ZSWIM8: variants seen among roughly 807,000 people sequenced by gnomAD.
ZSWIM8 encodes the protein zinc finger SWIM-type containing 8.
ZSWIM8 carries 27 observed loss-of-function variants against 173.7 expected under a neutral mutation model. That is an observed-to-expected ratio of 0.16 (90% CI 0.11 to 0.21). The LOEUF is 0.21. ZSWIM8 is among the 10% of genes least tolerant of loss of function. The pLI is 1.00. For synonymous variants in ZSWIM8, 958 were observed against 962.0 expected, an observed-to-expected ratio of 1.00 and a Z score of 0.08; for missense variants, 1,627 against 2,428.8, an observed-to-expected ratio of 0.67 and a Z score of 6.94.
chr10:73,792,233 G>T lies in ZSWIM8; in HGVS notation c.1694G>T (p.Arg565Leu). The T allele has an allele frequency of 6.4e-7, 1 of 1,559,572 alleles. No homozygotes were observed. The highest frequency in any genetic ancestry group is 2.3e-5 in the East Asian group (1 of 44,362). Residue 565 changes from arginine (R) to leucine (L), a missense_variant, in exon 10 of 26, where the codon CGC becomes CTC. Arg to Leu is a moderately radical substitution (Grantham distance 102, BLOSUM62 -2). Around this residue, in one of 18 missense-constraint regions of ZSWIM8, gnomAD observed 383 missense variants for 394.8 expected, o/e 0.97. Coordinates refer to ENST00000604729, the MANE Select transcript of ZSWIM8 (RefSeq NM_001367799.1). The surrounding 1 kb of genome is among the most constrained non-coding windows in gnomAD (Gnocchi z 4.3). ...GVPSSQRGPR[R>L]LSAEGGDKAL... Reference sequence around the variant, plus strand: ...CCCTCATCACAGCGGGGTCCCCGCCGCCTCTCAGCTGAAGGGGGAGATAAA... The same window carrying T: ...CCCTCATCACAGCGGGGTCCCCGCCTCCTCTCAGCTGAAGGGGGAGATAAA...
Position 73,792,061 on chromosome 10 carries a change from T to TGGGCCC in ZSWIM8, c.1529_1534dup (p.Arg510_Ala511dup), listed in dbSNP as rs1246190037. 19 of 1,543,516 alleles carry TGGGCCC rather than the reference T, an allele frequency of 1.2e-5. No homozygotes were observed. The highest frequency in any genetic ancestry group is 1.6e-5 in the Non-Finnish European group (18 of 1,141,312). On this transcript the variant is annotated inframe_insertion, in exon 10 of 26. Coordinates refer to ENST00000604729, the MANE Select transcript of ZSWIM8 (RefSeq NM_001367799.1). The surrounding 1 kb of genome is among the most constrained non-coding windows in gnomAD (Gnocchi z 4.3). ...CACTGACAGGAAGCTGGCACTGTGC[T>TGGGCCC]GGGCCCGGGCCCTGCCCTCTCGGCC... is the stretch of plus-strand genomic sequence containing the variant.
rs1405862820 is a variant in ZSWIM8 at position 73,785,666 on chromosome 10, C to G, written c.-213C>G. ...CCCGGCCCTAAGTCTCGGAGACTGG[C>G]CAAGATCACCGCTTGCACCGCGCTG... On this transcript the variant is annotated 5_prime_UTR_variant, in exon 1 of 26. Transcript: ENST00000604729. 6.3e-6 allele frequency: 4 copies of G among 639,494 alleles called. No homozygotes were observed. The highest frequency in any genetic ancestry group is 2.5e-4 in the Middle Eastern group (1 of 3,932). 39.6% of individuals were successfully genotyped at this position (639,494 alleles called of 1,614,324 possible). A position where few individuals can be genotyped will look rare whatever the true frequency, so the allele number is the denominator to read the frequency against.
At chr10:73,799,889 G>T in intron 21 of ZSWIM8, 122 bp from the exon 22 acceptor site, 3 of 1,006,836 alleles carry the variant, frequency 3.0e-6, no homozygotes. Context: ...CTCCAGCCTG[G>T]AGGACAGAGC....
rs1371880127 is a variant in ZSWIM8 at position 73,797,034 on chromosome 10, C to T, written c.3274+20C>T. 6.2e-7 allele frequency: 1 copy of T among 1,609,374 alleles called. No individual in the cohort carries two copies. Among genetic ancestry groups the T allele is most frequent in the East Asian group, 2.2e-5 (1 of 44,792 alleles). ...TGCCTGGTGAGGTGGGGGCACTGGGCAGGGGGGATGAATGGTGTGGACCTA... is the reference window on the plus strand; with the variant it reads ...TGCCTGGTGAGGTGGGGGCACTGGGTAGGGGGGATGAATGGTGTGGACCTA... On this transcript the variant is annotated intron_variant, in intron 16 of 25. Transcript: ENST00000604729. This position sits in a 1 kb window ranked among gnomAD's most constrained non-coding sequence, Gnocchi z 5.6.
Sources: gnomAD v4.1 joint callset for allele counts on GRCh38, gnomAD v4.1.1 for gene constraint, gnomAD v4.1.1 regional missense constraint, Gnocchi (gnomAD v3.1) non-coding constraint, MANE v1.5 for transcripts, NCBI Gene and HGNC (gene_info 2026-07-23, HGNC 2026-07-21) for gene names.